Variants in MEIS1 observed in about 807,000 individuals in gnomAD.
The protein encoded by MEIS1 is Meis homeobox 1.
A neutral mutation model predicts 50.8 loss-of-function variants in MEIS1; 5 were observed. The observed-to-expected ratio is 0.10, with a 90% confidence interval of 0.05 to 0.21. The LOEUF is 0.21. Among genes scored for constraint, MEIS1 ranks in the 10% least tolerant of loss-of-function variants. The pLI, the probability that MEIS1 is intolerant of heterozygous loss-of-function variation, is 1.00. For missense variants in MEIS1, 318 were observed against 517.3 expected, an observed-to-expected ratio of 0.61 and a Z score of 3.74; for synonymous variants, 176 against 179.3, an observed-to-expected ratio of 0.98 and a Z score of 0.15.
intron 7 of MEIS1, among the ~76,000 whole-genome samples, chr2:66,506,822 T>A (rs1673694612): frequency 6.6e-6 from 1 of 152,160 alleles, no homozygotes; most frequent in Admixed American, 6.5e-5. Flanking sequence ...GACTTAACCA[T>A]GACCTGGAGA....
intron 7 of MEIS1, among the ~76,000 whole-genome samples, chr2:66,509,587 T>C (rs960252062): frequency 2.0e-5 from 3 of 152,238 alleles, no homozygotes; most frequent in African/African-American, 7.2e-5. Flanking sequence ...ATCTGGCTCC[T>C]GCTTGAAAGG....
chr2:66,503,843 C>T (rs187798657), intron 7 of MEIS1, among the ~76,000 whole-genome samples: 30 of 147,990 alleles, frequency 2.0e-4, no homozygotes, highest in South Asian at 4.3e-4. Flanking sequence ...CTCCCGGGTT[C>T]GCGCCATTCT....
intron 6 of MEIS1, among the ~76,000 whole-genome samples, chr2:66,459,181 C>A (rs1416852504): frequency 6.6e-6 from 1 of 152,054 alleles, no homozygotes; most frequent in Non-Finnish European, 1.5e-5. Flanking sequence ...CCTTAAATAG[C>A]AAGAAGGAGA....
chr2:66,512,465 A>G (rs112355822), intron 8 of MEIS1, among the ~76,000 whole-genome samples, 171 bp downstream of exon 8: 13 of 152,318 alleles, frequency 8.5e-5, no homozygotes, highest in African/African-American at 2.9e-4. Context: ...AGATACCCCA[A>G]ATGAGAAATT....
chr2:66,509,972 CTAT>C (rs976841088), intron 7 of MEIS1, among the ~76,000 whole-genome samples: 15 of 152,032 alleles, frequency 9.9e-5, no homozygotes, highest in African/African-American at 3.6e-4. Context: ...GATAAAAAGG[CTAT>C]TTTTTTTAAA....
chr2:66,564,869 C>T (rs1191928761), intron 9 of MEIS1, among the ~76,000 whole-genome samples: 2 of 151,210 alleles, frequency 1.3e-5, no homozygotes, highest in African/African-American at 4.9e-5. Flanking sequence ...CTATCCCTTC[C>T]CCCTCCCCCT....
At chr2:66,539,971 A>T (rs1003570694) in intron 8 of MEIS1, among the ~76,000 whole-genome samples, 1 of 152,122 alleles carries the variant, frequency 6.6e-6, no homozygotes, top group Admixed American at 6.5e-5. Context: ...ATTTTTTGTT[A>T]AAAAAGGGAA....
intron 6 of MEIS1, chr2:66,461,842 CA>C (rs1293887417): frequency 2.1e-6 from 1 of 469,472 alleles, no homozygotes; most frequent in Non-Finnish European, 4.4e-6. Flanking sequence ...AAAATCTTTT[CA>C]TGGTGAATTA....
chr2:66,563,658 GA>G (rs1675271642), intron 9 of MEIS1, among the ~76,000 whole-genome samples: 1 of 152,146 alleles, frequency 6.6e-6, no homozygotes, highest in South Asian at 2.1e-4. Context: ...GGGCATTTTA[GA>G]AACAAACAGC....
At chr2:66,568,514 CTG>C in intron 10 of MEIS1, 151 bp from the exon 11 acceptor site, 3 of 434,496 alleles carry the variant, frequency 6.9e-6, no homozygotes, top group Non-Finnish European at 1.2e-5. Context: ...TAGATCTAGT[CTG>C]AGAGAAATTT....
At position 66,572,863 on chromosome 2, in the gene MEIS1, A is replaced by G. The variant is rs1326538774; in HGVS notation, c.*1655A>G. Reference sequence around the variant, plus strand: ...TTTTGGCTCCCTAAGCCATATATGTATTTGACAATTTTAACCGCAAAGTAA... The same window carrying G: ...TTTTGGCTCCCTAAGCCATATATGTGTTTGACAATTTTAACCGCAAAGTAA... On this transcript the variant is annotated 3_prime_UTR_variant, in exon 13 of 13. Transcript: ENST00000272369. 6.6e-6 allele frequency: 1 copy of G among 152,208 alleles called. No individual in the cohort carries two copies. The highest frequency in any genetic ancestry group is 1.5e-5 in the Non-Finnish European group (1 of 68,028). 9.4% of individuals were successfully genotyped at this position (152,208 alleles called of 1,614,324 possible).
chr2:66,470,207 A>C (rs1672733394), intron 7 of MEIS1, among the ~76,000 whole-genome samples: 1 of 152,216 alleles, frequency 6.6e-6, no homozygotes, highest in Non-Finnish European at 1.5e-5. Context: ...TTGTGACCAC[A>C]GGCCTTAGAG....
At position 66,547,172 on chromosome 2, in the gene MEIS1, C is replaced by T. The variant is rs151297581; in HGVS notation, c.889-771C>T. Among the ~76,000 whole-genome samples the T allele has an allele frequency of 3.5e-3, 535 of 152,206 alleles. 2 individuals are homozygous for T. The highest frequency in any genetic ancestry group is 8.4e-3 in the Admixed American group (128 of 15,266). On this transcript the variant is annotated intron_variant, in intron 8 of 12. Coordinates refer to ENST00000272369, the MANE Select transcript of MEIS1 (RefSeq NM_002398.3). ...GATCAGTGAACAGAAAGCATTTGTGCCAAAACTAATTTCAGTAGAATTCCA... is the reference window on the plus strand; with the variant it reads ...GATCAGTGAACAGAAAGCATTTGTGTCAAAACTAATTTCAGTAGAATTCCA...
intron 7 of MEIS1, among the ~76,000 whole-genome samples, chr2:66,491,790 C>G (rs188693906): frequency 6.6e-6 from 1 of 151,958 alleles, no homozygotes; most frequent in Non-Finnish European, 1.5e-5. Context: ...TGTGGGGCTT[C>G]GTACACTCCC....
At chr2:66,502,763 T>A (rs1315261748) in intron 7 of MEIS1, among the ~76,000 whole-genome samples, 1 of 152,146 alleles carries the variant, frequency 6.6e-6, no homozygotes, top group Non-Finnish European at 1.5e-5. Flanking sequence ...AGGGAGGTGC[T>A]CAGGGCAATT....
At chr2:66,488,522 C>A (rs535114911) in intron 7 of MEIS1, among the ~76,000 whole-genome samples, 1 of 151,944 alleles carries the variant, frequency 6.6e-6, no homozygotes, top group Non-Finnish European at 1.5e-5. Context: ...ACTAAAAATA[C>A]AAAAAATTAG....
intron 4 of MEIS1, chr2:66,440,926 G>A (rs1250817720): frequency 2.3e-6 from 1 of 436,782 alleles, no homozygotes; most frequent in Non-Finnish European, 4.0e-6. Flanking sequence ...CTTAAACTTT[G>A]CGGACTTCCT....
intron 8 of MEIS1, among the ~76,000 whole-genome samples, chr2:66,542,236 G>T (rs1416760734): frequency 6.6e-6 from 1 of 151,930 alleles, no homozygotes; most frequent in African/African-American, 2.4e-5. Context: ...CTCAGTAGAA[G>T]TTTTAAAAGA....
At chr2:66,519,204 C>T (rs77655021) in intron 8 of MEIS1, among the ~76,000 whole-genome samples, 15,346 of 152,198 alleles carry the variant, frequency 0.1, 939 homozygotes, top group African/African-American at 0.16. Context: ...ACCAAGACCA[C>T]GTTGCAATGG....
Sources: gnomAD v4.1 joint callset for allele counts (sites outside exome capture counted in the v4.1 genomes callset) on GRCh38, gnomAD v4.1.1 for gene constraint, MANE v1.5 for transcripts, NCBI Gene and HGNC (gene_info 2026-07-23, HGNC 2026-07-21) for gene names.